The following STARD13 variants were observed in gnomAD, a reference collection of about 807,000 sequenced individuals.
The protein encoded by STARD13 is stAR-related lipid transfer protein 13.
A neutral mutation model predicts 106.4 loss-of-function variants in STARD13; 62 were observed. The ratio of observed to expected loss-of-function variants is 0.58; its 90% CI spans 0.48 to 0.72. The LOEUF is 0.72. Among genes scored for constraint, STARD13 ranks in the 30% least tolerant of loss-of-function variants. STARD13 has a pLI of 0.00. For synonymous variants in STARD13, 565 were observed against 553.0 expected (o/e 1.02, Z -0.31); for missense variants, 1,387 against 1,424.0 (o/e 0.97, Z 0.42).
intron 1 of STARD13, among the ~76,000 whole-genome samples, chr13:33,199,575 C>T (rs939457596): frequency 1.1e-4 from 16 of 152,232 alleles, no homozygotes; most frequent in Non-Finnish European, 1.3e-4. Context: ...AAAATAACTT[C>T]TGCTCTGCTA....
At chr13:33,311,908 T>C (rs1002902331) in intron 1 of STARD13, among the ~76,000 whole-genome samples, 4 of 152,228 alleles carry the variant, frequency 2.6e-5, no homozygotes, top group Admixed American at 2.6e-4. Flanking sequence ...AAGTTCTATG[T>C]TAAAGCAGGG....
chr13:33,282,565 G>A (rs1891843846), intron 1 of STARD13, among the ~76,000 whole-genome samples: 1 of 152,142 alleles, frequency 6.6e-6, no homozygotes, highest in Non-Finnish European at 1.5e-5. Context: ...GAAATTATAA[G>A]TAATGATGTC....
chr13:33,577,594 T>C, the STARD13 span, among the ~76,000 whole-genome samples: 2 of 152,176 alleles, frequency 1.3e-5, no homozygotes, highest in African/African-American at 4.8e-5. Context: ...AACTGATCTT[T>C]GACAAGAGTG....
intron 1 of STARD13, among the ~76,000 whole-genome samples, chr13:33,235,880 G>C (rs1245567344): frequency 6.6e-6 from 1 of 152,240 alleles, no homozygotes; most frequent in Non-Finnish European, 1.5e-5. Flanking sequence ...TGTCCTAAGA[G>C]CAGCAGGTGT....
chr13:33,127,328 A>G (rs1189624087), intron 6 of STARD13, 45 bp downstream of exon 6: 2 of 1,502,190 alleles, frequency 1.3e-6, no homozygotes, highest in East Asian at 2.5e-5. Flanking sequence ...TCACACACTT[A>G]GCTCTAGAGC....
chr13:33,240,676 T>C (rs1019622343), intron 1 of STARD13, among the ~76,000 whole-genome samples: 3 of 144,770 alleles, frequency 2.1e-5, no homozygotes, highest in East Asian at 1.9e-4. Context: ...TTAAGTATCC[T>C]TAAGTTTATC....
At chr13:33,569,651 C>T in the STARD13 span, among the ~76,000 whole-genome samples, 1 of 147,330 alleles carries the variant, frequency 6.8e-6, no homozygotes, top group Non-Finnish European at 1.5e-5. Flanking sequence ...AAAAAAGACC[C>T]GCATCAGTTA....
the STARD13 span, among the ~76,000 whole-genome samples, chr13:33,527,791 T>C: frequency 6.6e-6 from 1 of 151,864 alleles, no homozygotes; most frequent in African/African-American, 2.4e-5. Flanking sequence ...TTTTTAAATT[T>C]CCTGATTTGC....
intron 1 of STARD13, among the ~76,000 whole-genome samples, chr13:33,326,948 A>G (rs2077782620): frequency 6.6e-6 from 1 of 152,188 alleles, no homozygotes; most frequent in Admixed American, 6.5e-5. Flanking sequence ...TCAAGTTCCT[A>G]AGCCTGTGTG....
the STARD13 span, among the ~76,000 whole-genome samples, chr13:33,428,165 C>T: frequency 1.3e-5 from 2 of 152,114 alleles, no homozygotes; most frequent in Non-Finnish European, 2.9e-5. Flanking sequence ...TCATTATATA[C>T]ACAAAATGAC....
intron 1 of STARD13, among the ~76,000 whole-genome samples, chr13:33,215,233 C>G (rs1251885493): frequency 6.6e-6 from 1 of 152,002 alleles, no homozygotes; most frequent in Admixed American, 6.6e-5. Flanking sequence ...GTTTCATCTG[C>G]AGACATGTTT....
intron 3 of STARD13, among the ~76,000 whole-genome samples, chr13:33,147,344 C>A (rs145439050): frequency 4.6e-5 from 7 of 152,152 alleles, no homozygotes; most frequent in Non-Finnish European, 8.8e-5. Context: ...CTTTAGCTGA[C>A]CTTGATGATC....
the STARD13 span, among the ~76,000 whole-genome samples, chr13:33,404,104 C>T: frequency 7.9e-5 from 12 of 152,064 alleles, no homozygotes; most frequent in South Asian, 2.1e-4. Context: ...ATTGGTTTTG[C>T]GTAGCTGAAA....
At chr13:33,570,546 C>T in the STARD13 span, among the ~76,000 whole-genome samples, 2 of 148,120 alleles carry the variant, frequency 1.4e-5, 1 homozygote, top group East Asian at 4.0e-4. Context: ...TACTGTAATT[C>T]GCTAACAACT....
the STARD13 span, among the ~76,000 whole-genome samples, chr13:33,479,264 A>G: frequency 6.6e-6 from 1 of 152,222 alleles, no homozygotes; most frequent in African/African-American, 2.4e-5. Flanking sequence ...GAGGCACTTG[A>G]TGCACTGCTG....
chr13:33,152,709 A>C (rs1881440230), intron 3 of STARD13, among the ~76,000 whole-genome samples: 1 of 152,132 alleles, frequency 6.6e-6, no homozygotes, highest in Admixed American at 6.5e-5. Context: ...CTGCCTAATA[A>C]AAAAAATCCC....
At chr13:33,120,712 C>A (rs1392541798) in intron 7 of STARD13, among the ~76,000 whole-genome samples, 1 of 152,126 alleles carries the variant, frequency 6.6e-6, no homozygotes, top group East Asian at 1.9e-4. Flanking sequence ...ATGGAAAGAA[C>A]CTCTCTTCAA....
At chr13:33,177,716 G>A (rs1884663978) in intron 1 of STARD13, among the ~76,000 whole-genome samples, 1 of 148,634 alleles carries the variant, frequency 6.7e-6, no homozygotes, top group South Asian at 2.2e-4. Flanking sequence ...AGGAAGGGAG[G>A]AAGGAGGGAG....
At chr13:33,219,798 G>C (rs1160077979) in intron 1 of STARD13, among the ~76,000 whole-genome samples, 1 of 111,714 alleles carries the variant, frequency 9.0e-6, no homozygotes, top group Non-Finnish European at 1.8e-5. Context: ...GCAAAATCCT[G>C]TCTCTAAAAA....
Sources: allele counts gnomAD v4.1 joint callset (sites outside exome capture counted in the v4.1 genomes callset), GRCh38; gene constraint gnomAD v4.1.1; transcripts MANE v1.5; gene names NCBI Gene and HGNC (gene_info 2026-07-23, HGNC 2026-07-21).